The following MAP3K5 variants were observed in gnomAD, a reference collection of about 807,000 sequenced individuals.
MAP3K5 encodes the protein mitogen-activated protein kinase kinase kinase 5.
In MAP3K5, 56 loss-of-function variants were observed where a neutral mutation model predicts 158.7. The ratio of observed to expected loss-of-function variants is 0.35; its 90% CI spans 0.28 to 0.44. The LOEUF (loss-of-function observed/expected upper bound fraction) is 0.44, where lower values mean the gene tolerates loss of function less well. Among genes scored for constraint, MAP3K5 ranks in the 20% least tolerant of loss-of-function variants. MAP3K5 has a pLI of 1.00. For synonymous variants in MAP3K5, 579 were observed against 601.7 expected (o/e 0.96, Z 0.55); for missense variants, 1,294 against 1,674.8 (o/e 0.77, Z 3.97).
chr6:136,602,198 T>C (rs1379876824), intron 19 of MAP3K5, among the ~76,000 whole-genome samples: 1 of 152,214 alleles, frequency 6.6e-6, no homozygotes, highest in African/African-American at 2.4e-5. Context: ...GGCAGAATAA[T>C]TAGTTGAAGA....
intron 18 of MAP3K5, among the ~76,000 whole-genome samples, chr6:136,610,972 G>T (rs1190153763): frequency 6.6e-6 from 1 of 151,720 alleles, no homozygotes; most frequent in Non-Finnish European, 1.5e-5. Flanking sequence ...GCTGGGCGTG[G>T]TGGCGCATGC....
intron 25 of MAP3K5, among the ~76,000 whole-genome samples, 190 bp from the exon 26 acceptor site, chr6:136,568,064 TATGATCTAATTCAAACAGAAGGAAAGA>T (rs1452102033): frequency 6.6e-6 from 1 of 152,142 alleles, no homozygotes; most frequent in South Asian, 2.1e-4. Context: ...ATTCACAAGA[TATGATCTAATTCAAACAGAAGGAAAGA>T]ATGATCTAAT....
At position 136,695,937 on chromosome 6, in the gene MAP3K5, C is replaced by A. The variant is rs181831708; in HGVS notation, c.1082+14G>T. On this transcript the variant is annotated intron_variant, in intron 6 of 29. Coordinates refer to ENST00000359015, the MANE Select transcript of MAP3K5 (RefSeq NM_005923.4). ...TATGTTAACGCATTCTGGAAGGGAA[C>A]TTTTTCTTCTTACCTATTCAGTGCA... 7.1e-6 allele frequency: 11 copies of A among 1,543,940 alleles called. No individual in the cohort carries two copies. In the Admixed American group the frequency reaches 8.7e-5, roughly 12 times the overall value.
chr6:136,571,175 G>C (rs948741930), intron 25 of MAP3K5, among the ~76,000 whole-genome samples: 5 of 152,312 alleles, frequency 3.3e-5, no homozygotes, highest in African/African-American at 1.2e-4. Flanking sequence ...CAGCATCACA[G>C]ATGGCTACCC....
chr6:136,583,741 CT>C lies in MAP3K5; in HGVS notation c.3226-2del. On this transcript the variant is annotated splice_acceptor_variant, in intron 23 of 29. Coordinates refer to ENST00000359015, the MANE Select transcript of MAP3K5 (RefSeq NM_005923.4). LOFTEE classifies it high-confidence loss of function. ...ATTTTAGTTTCGGTTCTTCAGCCCC[CT>C]GTGAATAAAAATCAACAATCCTTAC... 1.2e-6 allele frequency: 2 copies of C among 1,613,296 alleles called. No homozygotes were observed. Among genetic ancestry groups the C allele is most frequent in the African/African-American group, 1.3e-5 (1 of 74,992 alleles).
rs774791911 is a variant in MAP3K5 at position 136,696,058 on chromosome 6, CT to C, written c.976-2del. 27 of 1,574,918 alleles carry C rather than the reference CT, an allele frequency of 1.7e-5. No individual in the cohort carries two copies. In the South Asian group the frequency reaches 3.0e-4, roughly 18 times the overall value. On this transcript the variant is annotated splice_acceptor_variant, in intron 5 of 29. Coordinates refer to ENST00000359015, the MANE Select transcript of MAP3K5 (RefSeq NM_005923.4). LOFTEE classifies it high-confidence loss of function. ...CCAGCTTCACAATAGAATCATAGTC[CT>C]TTCAAATTAGATGAGAATAGCACAG...
chr6:136,658,315 T>TTC (rs1404946113), intron 9 of MAP3K5, among the ~76,000 whole-genome samples: 2 of 114,706 alleles, frequency 1.7e-5, no homozygotes, highest in African/African-American at 9.3e-5. Flanking sequence ...CTTTCTTTCT[T>TTC]TTTTTTTTTT....
chr6:136,589,305 C>G (rs532122489), intron 23 of MAP3K5, among the ~76,000 whole-genome samples: 2 of 152,132 alleles, frequency 1.3e-5, no homozygotes, highest in South Asian at 4.1e-4. Flanking sequence ...CCACAGTGAT[C>G]ATGAAGGACA....
At chr6:136,621,290 G>C (rs1350741117) in intron 15 of MAP3K5, among the ~76,000 whole-genome samples, 2 of 151,926 alleles carry the variant, frequency 1.3e-5, no homozygotes, top group Admixed American at 6.5e-5. Context: ...TTATTCCTAG[G>C]ATTTCCATCT....
chr6:136,754,570 A>G (rs1783383711), intron 1 of MAP3K5, among the ~76,000 whole-genome samples: 1 of 147,180 alleles, frequency 6.8e-6, no homozygotes, highest in African/African-American at 2.5e-5. Context: ...GGCAACAGAG[A>G]GAGACCGCTC....
At chr6:136,569,125 A>T (rs141526935) in intron 25 of MAP3K5, among the ~76,000 whole-genome samples, 662 of 152,314 alleles carry the variant, frequency 4.3e-3, no homozygotes, top group Non-Finnish European at 6.9e-3. Context: ...TAGCAATAAG[A>T]TAACAAATTC....
chr6:136,638,309 C>T (rs1271379618), intron 13 of MAP3K5, among the ~76,000 whole-genome samples: 1 of 152,174 alleles, frequency 6.6e-6, no homozygotes, highest in Non-Finnish European at 1.5e-5. Flanking sequence ...ATATGAACAT[C>T]TCTAGGCAGA....
intron 5 of MAP3K5, 106 bp from the exon 6 acceptor site, chr6:136,696,163 A>G: frequency 3.2e-6 from 2 of 627,778 alleles, no homozygotes; most frequent in Non-Finnish European, 5.6e-6. Flanking sequence ...AACACATTAA[A>G]AAGACACTAG....
chr6:136,594,159 A>G (rs1562531305), intron 21 of MAP3K5, among the ~76,000 whole-genome samples: 1 of 152,224 alleles, frequency 6.6e-6, no homozygotes, highest in Non-Finnish European at 1.5e-5. Context: ...CAAATGATAT[A>G]TGGCAGGGGA....
At chr6:136,692,909 T>C (rs372063369) in intron 7 of MAP3K5, among the ~76,000 whole-genome samples, 2 of 151,964 alleles carry the variant, frequency 1.3e-5, no homozygotes, top group East Asian at 1.9e-4. Context: ...TGGGCCGAGA[T>C]TGCACCACTA....
At chr6:136,721,256 G>T (rs1781737994) in intron 1 of MAP3K5, among the ~76,000 whole-genome samples, 1 of 150,294 alleles carries the variant, frequency 6.7e-6, no homozygotes, top group South Asian at 2.1e-4. Context: ...TTAAAAAATA[G>T]CAGTAACATA....
rs563175647 is a variant in MAP3K5, at chr6:136,784,176, T to G, written c.448+7534A>C. On this transcript the variant is annotated intron_variant, in intron 1 of 29. Coordinates refer to ENST00000359015, the MANE Select transcript of MAP3K5 (RefSeq NM_005923.4). Reference sequence around the variant, plus strand: ...GCTCGAACTACCAACTGATAATGTCTCAAGCAGACAACAGGTGACCAAATT... The same window carrying G: ...GCTCGAACTACCAACTGATAATGTCGCAAGCAGACAACAGGTGACCAAATT... Among the ~76,000 whole-genome samples, 11 of 152,172 alleles carry G rather than the reference T, an allele frequency of 7.2e-5. No individual in the cohort carries two copies. In the South Asian group the frequency reaches 2.3e-3, roughly 32 times the overall value.
At chr6:136,621,838 G>A (rs1380562578) in intron 15 of MAP3K5, among the ~76,000 whole-genome samples, 1 of 152,200 alleles carries the variant, frequency 6.6e-6, no homozygotes, top group Non-Finnish European at 1.5e-5. Flanking sequence ...TGTAATCCCA[G>A]CACTTTGGGA....
In MAP3K5 at chr6:136,745,671, A is replaced by G. The variant is rs115617227; in HGVS notation, c.449-25082T>C. On this transcript the variant is annotated intron_variant, in intron 1 of 29. Transcript: ENST00000359015. ...GCTGCCTGTGCCTCAGTTTTTCTGCAGGCATTCTGCATGTTTCCGCTGCTT... is the reference window on the plus strand; with the variant it reads ...GCTGCCTGTGCCTCAGTTTTTCTGCGGGCATTCTGCATGTTTCCGCTGCTT... Among the ~76,000 whole-genome samples the G allele has an allele frequency of 9.3e-3, 1,422 of 152,306 alleles. 14 individuals carry two copies. The highest frequency in any genetic ancestry group is 0.033 in the African/African-American group (1,369 of 41,556).
Sources: allele counts gnomAD v4.1 joint callset (sites outside exome capture counted in the v4.1 genomes callset), GRCh38; gene constraint gnomAD v4.1.1; transcripts MANE v1.5; gene names NCBI Gene and HGNC (gene_info 2026-07-23, HGNC 2026-07-21).